GRM5: variants seen among roughly 807,000 people sequenced by gnomAD.
GRM5 encodes the protein metabotropic glutamate receptor 5.
A neutral mutation model predicts 83.1 loss-of-function variants in GRM5; 19 were observed. The observed-to-expected ratio is 0.23, with a 90% CI of 0.16 to 0.34. GRM5 has a LOEUF of 0.34. Ranked by LOEUF, GRM5 falls within the 10% of genes least tolerant of loss-of-function variation. The pLI is 1.00. For missense variants in GRM5, 1,160 were observed against 1,588.3 expected (o/e 0.73, Z 4.58); for synonymous variants, 675 against 633.6 (o/e 1.07, Z -0.98).
chr11:88,629,344 G>A lies in GRM5; in HGVS notation c.1147+23824C>T, dbSNP rs117506324. ...TCTAGCTCAAATATGTCAGCTATGCGCCGTACATATCTATAGTCAGCTGCA... is the reference window on the plus strand; with the variant it reads ...TCTAGCTCAAATATGTCAGCTATGCACCGTACATATCTATAGTCAGCTGCA... On this transcript the variant is annotated intron_variant, in intron 4 of 9. Transcript: ENST00000305447. Among the ~76,000 whole-genome samples the A allele has an allele frequency of 8.9e-4, 136 of 152,116 alleles. No individual in the cohort carries two copies. In the Middle Eastern group the frequency reaches 0.014, roughly 15 times the overall value.
At chr11:88,719,297 T>C (rs112090392) in intron 3 of GRM5, among the ~76,000 whole-genome samples, 7 of 152,196 alleles carry the variant, frequency 4.6e-5, no homozygotes, top group African/African-American at 1.7e-4. Flanking sequence ...AGCTCCCATT[T>C]ATAAGTGAGA....
chr11:88,651,518 A>T (rs1463977468), intron 4 of GRM5, among the ~76,000 whole-genome samples: 1 of 152,042 alleles, frequency 6.6e-6, no homozygotes, highest in Non-Finnish European at 1.5e-5. Context: ...GAGAAAAGAA[A>T]TCTGTTGTCT....
At chr11:89,022,445 A>G (rs1012272327) in intron 2 of GRM5, among the ~76,000 whole-genome samples, 1 of 150,988 alleles carries the variant, frequency 6.6e-6, no homozygotes, top group Non-Finnish European at 1.5e-5. Context: ...GCTCGAGACC[A>G]GCCTGGCCAA....
chr11:88,716,248 G>T, intron 3 of GRM5, among the ~76,000 whole-genome samples: 1 of 151,878 alleles, frequency 6.6e-6, no homozygotes, highest in East Asian at 1.9e-4. Flanking sequence ...ATGTTGGAGG[G>T]GTAGTGAAAA....
intron 2 of GRM5, among the ~76,000 whole-genome samples, chr11:88,968,727 A>T (rs1048524581): frequency 6.6e-4 from 100 of 152,210 alleles, no homozygotes; most frequent in African/African-American, 2.2e-3. Flanking sequence ...GGGTGATAAC[A>T]ATGTTCTAAT....
chr11:88,671,774 A>C (rs1388472408), intron 3 of GRM5, among the ~76,000 whole-genome samples: 1 of 152,066 alleles, frequency 6.6e-6, no homozygotes, highest in Non-Finnish European at 1.5e-5. Flanking sequence ...AGTGTGTTAG[A>C]CTTGGAATGA....
intron 2 of GRM5, among the ~76,000 whole-genome samples, chr11:89,041,968 G>A (rs1246947588): frequency 2.6e-5 from 4 of 152,102 alleles, no homozygotes; most frequent in Non-Finnish European, 4.4e-5. Flanking sequence ...GCAAACCTTC[G>A]ATACGACCCA....
chr11:88,691,846 A>G (rs571302576), intron 3 of GRM5, among the ~76,000 whole-genome samples: 2 of 152,188 alleles, frequency 1.3e-5, no homozygotes, highest in Admixed American at 6.5e-5. Flanking sequence ...ACAACAATCG[A>G]CAATCTGGTT....
At chr11:88,946,861 T>C (rs1161622864) in intron 2 of GRM5, among the ~76,000 whole-genome samples, 1 of 152,082 alleles carries the variant, frequency 6.6e-6, no homozygotes, top group African/African-American at 2.4e-5. Flanking sequence ...GAGAACAGGA[T>C]GGCATTCACA....
intron 3 of GRM5, among the ~76,000 whole-genome samples, chr11:88,727,533 G>A (rs989515988): frequency 1.1e-4 from 16 of 152,114 alleles, no homozygotes; most frequent in South Asian, 4.1e-4. Flanking sequence ...TGGACCAAGC[G>A]GACCCAATAG....
At chr11:88,515,524 G>C (rs1365577963) in intron 9 of GRM5, among the ~76,000 whole-genome samples, 1 of 152,090 alleles carries the variant, frequency 6.6e-6, no homozygotes, top group Non-Finnish European at 1.5e-5. Context: ...TAATTACCCT[G>C]ATTTTGTCAT....
At chr11:88,714,018 A>G (rs1324894763) in intron 3 of GRM5, among the ~76,000 whole-genome samples, 1 of 152,074 alleles carries the variant, frequency 6.6e-6, no homozygotes, top group Non-Finnish European at 1.5e-5. Flanking sequence ...TAACTTATCA[A>G]GAATCTTTTT....
intron 7 of GRM5, among the ~76,000 whole-genome samples, chr11:88,588,990 T>C (rs1276037082): frequency 6.6e-6 from 1 of 152,172 alleles, no homozygotes; most frequent in Non-Finnish European, 1.5e-5. Flanking sequence ...TGAAAGTGTG[T>C]GTTCATTCTC....
At chr11:89,000,286 A>G (rs1940334430) in intron 2 of GRM5, among the ~76,000 whole-genome samples, 1 of 152,160 alleles carries the variant, frequency 6.6e-6, no homozygotes, top group Non-Finnish European at 1.5e-5. Flanking sequence ...TTGAAAAGGA[A>G]AAATAAGTCA....
intron 3 of GRM5, among the ~76,000 whole-genome samples, chr11:88,696,674 C>T (rs1402463816): frequency 6.6e-6 from 1 of 152,108 alleles, no homozygotes; most frequent in Non-Finnish European, 1.5e-5. Flanking sequence ...ATTTCTGACT[C>T]TAGTTTATTT....
Position 88,948,175 on chromosome 11 carries a change from C to CA in GRM5, c.662-98021dup, listed in dbSNP as rs371355559. ...CGTCCTTTTCTTAAAAGAAAGAAAA[C>CA]AAAAAAGCTGCTTTTCTGTATGTTA... On this transcript the variant is annotated intron_variant, in intron 2 of 9. Coordinates refer to ENST00000305447, the MANE Select transcript of GRM5 (RefSeq NM_001143831.3). 7.8e-3 allele frequency among the ~76,000 whole-genome samples: 1,180 copies of CA among 152,200 alleles called. 16 individuals are homozygous for CA. The highest frequency in any genetic ancestry group is 0.027 in the African/African-American group (1,133 of 41,540).
chr11:88,756,421 G>T (rs1942394806), intron 3 of GRM5, among the ~76,000 whole-genome samples: 1 of 152,070 alleles, frequency 6.6e-6, no homozygotes. Context: ...CAGTCAGCAA[G>T]AGTTCACTAG....
chr11:88,512,300 G>T (rs1358514192), intron 9 of GRM5: 1 of 154,346 alleles, frequency 6.5e-6, no homozygotes, highest in Admixed American at 6.5e-5. Flanking sequence ...TGAATAACGT[G>T]AAAGTGGACA....
At chr11:88,570,569 A>ATTT (rs1240457993) in intron 7 of GRM5, among the ~76,000 whole-genome samples, 9 of 73,870 alleles carry the variant, frequency 1.2e-4, no homozygotes, top group African/African-American at 2.3e-4. Flanking sequence ...ATATATATAT[A>ATTT]TATTTTTTTT....
Sources: allele counts gnomAD v4.1 joint callset (sites outside exome capture counted in the v4.1 genomes callset), GRCh38; gene constraint gnomAD v4.1.1; transcripts MANE v1.5; gene names NCBI Gene and HGNC (gene_info 2026-07-23, HGNC 2026-07-21).